Variants in FRMPD4 observed in about 807,000 individuals in gnomAD.
FRMPD4 encodes FERM and PDZ domain-containing protein 4.
A neutral mutation model predicts 94.1 loss-of-function variants in FRMPD4; 22 were observed. That is an observed-to-expected ratio of 0.23 (90% CI 0.17 to 0.33). The LOEUF is 0.33. Among genes scored for constraint, FRMPD4 ranks in the 10% least tolerant of loss-of-function variants. The probability of loss-of-function intolerance (pLI) is 1.00; values close to 1 mark genes in which losing one functional copy is unlikely to be tolerated. For synonymous variants in FRMPD4, 631 were observed against 548.6 expected, an observed-to-expected ratio of 1.15 and a Z score of -2.10; for missense variants, 1,111 against 1,339.9, an observed-to-expected ratio of 0.83 and a Z score of 2.67.
At chrX:12,113,637 A>C (rs1301823926) in intron 3 of FRMPD4, among the ~76,000 whole-genome samples, 3 of 112,118 alleles carry the variant, frequency 2.7e-5, no homozygotes, top group African/African-American at 6.5e-5. Context: ...CCCTCTCCGT[A>C]ATCCAAGATA....
intron 1 of FRMPD4, among the ~76,000 whole-genome samples, chrX:11,851,474 G>A (rs1208837261): frequency 9.0e-6 from 1 of 110,913 alleles, no homozygotes; most frequent in Non-Finnish European, 1.9e-5. Context: ...TGAGTTCAGG[G>A]GAACCCAACT....
chrX:12,300,057 C>T (rs1323695282), intron 1 of FRMPD4, among the ~76,000 whole-genome samples: 2 of 111,819 alleles, frequency 1.8e-5, no homozygotes, highest in Non-Finnish European at 1.9e-5. Flanking sequence ...GATTCTGACT[C>T]GCAGGGACTT....
chrX:12,628,009 C>T (rs1335713772), intron 4 of FRMPD4, among the ~76,000 whole-genome samples: 1 of 111,240 alleles, frequency 9.0e-6, no homozygotes, highest in African/African-American at 3.3e-5. Context: ...TGTGTATTTT[C>T]CCTGTGGTCA....
chrX:12,497,980 G>A (rs921336930), intron 1 of FRMPD4, among the ~76,000 whole-genome samples: 2 of 111,208 alleles, frequency 1.8e-5, no homozygotes, highest in Admixed American at 9.5e-5. Flanking sequence ...GTGGGCACCA[G>A]GCTGGGGGAA....
intron 1 of FRMPD4, among the ~76,000 whole-genome samples, chrX:11,852,968 G>C (rs1239966373): frequency 8.9e-6 from 1 of 112,097 alleles, no homozygotes; most frequent in Non-Finnish European, 1.9e-5. Context: ...TCATCGCCTT[G>C]TGGTACTTAT....
chrX:12,421,097 C>T (rs1051495920), intron 1 of FRMPD4, among the ~76,000 whole-genome samples: 1 of 111,784 alleles, frequency 8.9e-6, no homozygotes, highest in Non-Finnish European at 1.9e-5. Context: ...AGACTATCTG[C>T]GTCCTGATTG....
At chrX:12,536,254 G>T (rs1157034338) in intron 2 of FRMPD4, among the ~76,000 whole-genome samples, 2 of 109,627 alleles carry the variant, frequency 1.8e-5, no homozygotes, top group African/African-American at 3.3e-5. Context: ...GCTCCAGAAG[G>T]TAGCATAGTG....
chrX:11,987,263 C>T (rs1315330909), intron 3 of FRMPD4, among the ~76,000 whole-genome samples: 1 of 110,435 alleles, frequency 9.1e-6, no homozygotes, highest in African/African-American at 3.3e-5. Flanking sequence ...AAGGATGGTT[C>T]ACCATAGACA....
chrX:12,396,739 C>T (rs1384236347), intron 1 of FRMPD4, among the ~76,000 whole-genome samples: 1 of 111,852 alleles, frequency 8.9e-6, no homozygotes, highest in Non-Finnish European at 1.9e-5. Context: ...AGTTATTTTG[C>T]AAAGGGTTTC....
At chrX:12,683,449 C>T in intron 5 of FRMPD4, 34 bp from the exon 6 acceptor site, 1 of 712,150 alleles carries the variant, frequency 1.4e-6, no homozygotes. Flanking sequence ...ATTATGTTAC[C>T]AGTAATCAGA....
At chrX:12,088,024 G>C (rs1169917386) in intron 3 of FRMPD4, among the ~76,000 whole-genome samples, 1 of 112,634 alleles carries the variant, frequency 8.9e-6, no homozygotes, top group Non-Finnish European at 1.9e-5. Context: ...GTCCCAGGGA[G>C]CTTTGTTAAT....
chrX:11,846,537 G>A (rs2147284779), intron 1 of FRMPD4, among the ~76,000 whole-genome samples: 1 of 109,043 alleles, frequency 9.2e-6, no homozygotes. Flanking sequence ...CTACTTTAAA[G>A]TTCATATGGA....
rs1183855812 is a variant in FRMPD4, at chrX:12,699,458, G to A, written c.934-2416G>A. ...TCTTAGCAGTGAAGTGATGGGCTGA[G>A]AGACATGCACCCATGGCACGTGGAT... On this transcript the variant is annotated intron_variant, in intron 9 of 16. Transcript: ENST00000675598. Among the ~76,000 whole-genome samples the A allele has an allele frequency of 2.7e-5, 3 of 112,743 alleles. No homozygotes were observed. The Admixed American group carries it at 2.8e-4, about 10-fold the overall frequency.
chrX:12,522,163 C>T (rs1210927301), intron 2 of FRMPD4, among the ~76,000 whole-genome samples: 1 of 110,617 alleles, frequency 9.0e-6, no homozygotes. Flanking sequence ...GTGGTGCACT[C>T]ACAAAAGCCA....
chrX:11,983,180 T>G (rs569431836), intron 3 of FRMPD4, among the ~76,000 whole-genome samples: 1 of 112,400 alleles, frequency 8.9e-6, no homozygotes, highest in South Asian at 3.7e-4. Flanking sequence ...GGGAACATAC[T>G]TAAGGGAATT....
chrX:12,552,836 C>G (rs1471984099), intron 2 of FRMPD4, among the ~76,000 whole-genome samples: 2 of 112,394 alleles, frequency 1.8e-5, no homozygotes, highest in African/African-American at 6.5e-5. Flanking sequence ...TTTTAAACAT[C>G]TATGAATATG....
intron 1 of FRMPD4, among the ~76,000 whole-genome samples, chrX:11,824,587 CATCCTTGGTTGACA>C (rs2053430795): frequency 8.9e-6 from 1 of 111,827 alleles, no homozygotes; most frequent in Non-Finnish European, 1.9e-5. Context: ...GGGTGAAAGT[CATCCTTGGTTGACA>C]ATCACTATTT....
intron 2 of FRMPD4, among the ~76,000 whole-genome samples, chrX:12,581,540 C>G (rs140647366): frequency 0.011 from 1,205 of 112,093 alleles, 16 homozygotes; most frequent in African/African-American, 0.037. Flanking sequence ...TTTGCTTAAA[C>G]TAATGGCCAA....
At chrX:12,236,328 G>T (rs567388479) in intron 1 of FRMPD4, among the ~76,000 whole-genome samples, 2 of 111,366 alleles carry the variant, frequency 1.8e-5, no homozygotes, top group African/African-American at 3.3e-5. Flanking sequence ...ATTATAAAAG[G>T]CCAAGTTTGC....
Sources: gnomAD v4.1 joint callset for allele counts (sites outside exome capture counted in the v4.1 genomes callset) on GRCh38, gnomAD v4.1.1 for gene constraint, MANE v1.5 for transcripts, NCBI Gene and HGNC (gene_info 2026-07-23, HGNC 2026-07-21) for gene names.